Variants in PAK3 observed in about 807,000 individuals in gnomAD.
The protein encoded by PAK3 is serine/threonine-protein kinase PAK 3.
A neutral mutation model predicts 41.0 loss-of-function variants in PAK3; 4 were observed. That is an observed-to-expected ratio of 0.10 (90% confidence interval 0.05 to 0.22). PAK3 has a LOEUF of 0.22. Ranked by LOEUF, PAK3 falls within the 10% of genes least tolerant of loss-of-function variation. The probability of loss-of-function intolerance (pLI) is 1.00; values close to 1 mark genes in which losing one functional copy is unlikely to be tolerated. For missense variants in PAK3, 205 were observed against 409.9 expected, an observed-to-expected ratio of 0.50 and a Z score of 4.32; for synonymous variants, 146 against 139.6, an observed-to-expected ratio of 1.05 and a Z score of -0.32.
At chrX:111,175,480 A>G (rs1174335809) in intron 11 of PAK3, among the ~76,000 whole-genome samples, 1 of 111,966 alleles carries the variant, frequency 8.9e-6, no homozygotes, top group Admixed American at 9.5e-5. Context: ...AATTTTAAAT[A>G]TGGCTCGTGG....
At chrX:111,072,983 C>A (rs929635962) in intron 1 of PAK3, among the ~76,000 whole-genome samples, 1 of 111,762 alleles carries the variant, frequency 8.9e-6, no homozygotes, top group Non-Finnish European at 1.9e-5. Context: ...TGGTTTCAGA[C>A]AAAGCTGCCA....
intron 5 of PAK3, among the ~76,000 whole-genome samples, chrX:111,141,093 G>A (rs750530406): frequency 9.0e-6 from 1 of 111,042 alleles, no homozygotes; most frequent in African/African-American, 3.3e-5. Context: ...ATTTTTTTCA[G>A]TGTGAAATGC....
intron 16 of PAK3, among the ~76,000 whole-genome samples, chrX:111,208,746 T>C (rs753429880): frequency 1.8e-5 from 2 of 112,168 alleles, no homozygotes; most frequent in African/African-American, 6.5e-5. Context: ...TTCCCCATCA[T>C]TAAGCAATGC....
chrX:111,200,102 G>A (rs780904092), intron 16 of PAK3, among the ~76,000 whole-genome samples: 2 of 110,554 alleles, frequency 1.8e-5, no homozygotes, highest in East Asian at 5.7e-4. Context: ...ATTACCACTA[G>A]GAGTCTAAAA....
At chrX:111,213,113 G>A (rs1482920341) in intron 16 of PAK3, among the ~76,000 whole-genome samples, 3 of 112,210 alleles carry the variant, frequency 2.7e-5, no homozygotes, top group Non-Finnish European at 5.6e-5. Context: ...GGATGAGGGA[G>A]TATAAGCAGA....
intron 1 of PAK3, among the ~76,000 whole-genome samples, chrX:111,037,451 G>A (rs1041752290): frequency 9.0e-6 from 1 of 111,354 alleles, no homozygotes; most frequent in Admixed American, 9.6e-5. Context: ...TCAAAAAGTG[G>A]TCTCTCCTTG....
At chrX:111,160,923 C>T (rs1448841322) in intron 8 of PAK3, among the ~76,000 whole-genome samples, 9 of 112,538 alleles carry the variant, frequency 8.0e-5, no homozygotes, top group Admixed American at 2.8e-4. Flanking sequence ...CCACAATAAA[C>T]ATACGTGTGC....
In PAK3 at chrX:111,225,422, C is replaced by A. The variant is rs2094948219; in HGVS notation, c.*4975C>A. Reference sequence around the variant, plus strand: ...CTGCCACTTAATTGGGTTGAACTTGCAAGATAAACTTTTGGAAACTGCTTA... The same window carrying A: ...CTGCCACTTAATTGGGTTGAACTTGAAAGATAAACTTTTGGAAACTGCTTA... On this transcript the variant is annotated 3_prime_UTR_variant, in exon 18 of 18. Transcript: ENST00000372007. 8.9e-6 allele frequency: 1 copy of A among 112,089 alleles called. No individual in the cohort carries two copies. Among genetic ancestry groups the A allele is most frequent in the Admixed American group, 9.4e-5 (1 of 10,596 alleles). 9.2% of individuals were successfully genotyped at this position (112,089 alleles called of 1,213,427 possible). A position where few individuals can be genotyped will look rare whatever the true frequency, so the allele number is the denominator to read the frequency against.
chrX:111,219,190 A>AAATAATAAT (rs3062744), intron 17 of PAK3, among the ~76,000 whole-genome samples: 3,613 of 84,324 alleles, frequency 0.043, 78 homozygotes, highest in East Asian at 0.058. Context: ...AGTCCATCTC[A>AAATAATAAT]AATAATAATA....
chrX:111,006,396 A>G lies in PAK3; in HGVS notation c.-28+61768A>G, dbSNP rs768840989. ...AGGCATGATGTCTGCAACAAACTCA[A>G]ATGGATTAGGGAGAAAAACACCTAG... On this transcript the variant is annotated intron_variant, in intron 1 of 14. Transcript: ENST00000425146. Among the ~76,000 whole-genome samples the G allele has an allele frequency of 2.3e-4, 26 of 111,791 alleles. 1 individual carries two copies. The South Asian group carries it at 7.6e-3, about 33-fold the overall frequency.
intron 1 of PAK3, among the ~76,000 whole-genome samples, chrX:110,997,523 G>T (rs755000441): frequency 9.0e-6 from 1 of 111,557 alleles, no homozygotes; most frequent in Non-Finnish European, 1.9e-5. Context: ...TTTGCTGACA[G>T]ACCTATAAAT....
chrX:111,067,708 C>T (rs986393151), intron 1 of PAK3, among the ~76,000 whole-genome samples: 2 of 111,450 alleles, frequency 1.8e-5, no homozygotes, highest in African/African-American at 3.2e-5. Context: ...TTAAACTATG[C>T]GTACATTCCT....
intron 5 of PAK3, among the ~76,000 whole-genome samples, chrX:111,139,467 A>AT (rs11442426): frequency 0.095 from 10,609 of 111,393 alleles, 1,247 homozygotes; most frequent in African/African-American, 0.33. Context: ...GAGGATCATA[A>AT]TTTTTTTTCA....
At chrX:111,042,598 CAG>C (rs1023883203) in intron 1 of PAK3, among the ~76,000 whole-genome samples, 2 of 111,755 alleles carry the variant, frequency 1.8e-5, no homozygotes, top group African/African-American at 3.3e-5. Context: ...GCACAAGAGA[CAG>C]GGGAAATCCA....
rs971840815 is a variant in PAK3 at position 111,134,098 on chromosome X, G to C, written c.176-7998G>C. Among the ~76,000 whole-genome samples, 12 of 112,199 alleles carry C rather than the reference G, an allele frequency of 1.1e-4. 1 individual carries two copies. Among genetic ancestry groups the C allele is most frequent in the Admixed American group, 8.5e-4 (9 of 10,611 alleles). On this transcript the variant is annotated intron_variant, in intron 5 of 17. Transcript: ENST00000372007. ...TACAACAAGGAAGACTCAGGTGAGA[G>C]CTTTCTAAATTGCTTTCAGAAGGCA... is the stretch of plus-strand genomic sequence containing the variant.
chrX:110,998,179 C>T (rs943971176), intron 1 of PAK3, among the ~76,000 whole-genome samples: 1 of 111,575 alleles, frequency 9.0e-6, no homozygotes, highest in Admixed American at 9.5e-5. Flanking sequence ...ACTGAATGAT[C>T]ACTTAGAGAA....
chrX:111,009,280 T>C (rs1250529975), intron 1 of PAK3, among the ~76,000 whole-genome samples: 1 of 111,420 alleles, frequency 9.0e-6, no homozygotes, highest in Non-Finnish European at 1.9e-5. Context: ...CTCTCTCCAC[T>C]CTCCTGCTCT....
chrX:110,996,644 CTCTA>C (rs2148678959), intron 1 of PAK3, among the ~76,000 whole-genome samples: 1 of 111,511 alleles, frequency 9.0e-6, no homozygotes, highest in South Asian at 3.8e-4. Context: ...CTCTCTCTCT[CTCTA>C]TCTCTCTCTT....
chrX:110,956,907 G>A (rs947057354), intron 1 of PAK3, among the ~76,000 whole-genome samples: 1 of 111,672 alleles, frequency 9.0e-6, no homozygotes, highest in African/African-American at 3.3e-5. Flanking sequence ...CTTCTTTGTG[G>A]AGGGCCTCCT....
Sources: gnomAD v4.1 joint callset for allele counts (sites outside exome capture counted in the v4.1 genomes callset) on GRCh38, gnomAD v4.1.1 for gene constraint, MANE v1.5 for transcripts, NCBI Gene and HGNC (gene_info 2026-07-23, HGNC 2026-07-21) for gene names.